The following LEMD3 variants were observed in gnomAD, a reference collection of about 807,000 sequenced individuals.
LEMD3 encodes inner nuclear membrane protein Man1.
In LEMD3, 33 loss-of-function variants were observed where a neutral mutation model predicts 95.2. The observed-to-expected ratio is 0.35, with a 90% confidence interval of 0.26 to 0.46. The LOEUF is 0.46. Among genes scored for constraint, LEMD3 ranks in the 20% least tolerant of loss-of-function variants. The probability of loss-of-function intolerance (pLI) is 1.00; values close to 1 mark genes in which losing one functional copy is unlikely to be tolerated. For missense variants in LEMD3, 1,210 were observed against 1,192.8 expected, an observed-to-expected ratio of 1.01 and a Z score of -0.21; for synonymous variants, 525 against 474.6, an observed-to-expected ratio of 1.11 and a Z score of -1.38.
intron 1 of LEMD3, among the ~76,000 whole-genome samples, chr12:65,183,815 G>A (rs1234298107): frequency 1.3e-5 from 2 of 152,236 alleles, no homozygotes; most frequent in East Asian, 3.9e-4. Flanking sequence ...GCTTAGAGTG[G>A]AAGTGGTATC....
intron 10 of LEMD3, 61 bp from the exon 11 acceptor site, chr12:65,245,608 A>G: frequency 9.3e-7 from 1 of 1,079,598 alleles, no homozygotes; most frequent in Non-Finnish European, 1.4e-6. Context: ...TGTAAGAGAC[A>G]GTGAAGAATT....
intron 1 of LEMD3, among the ~76,000 whole-genome samples, chr12:65,182,907 A>C (rs1007264802): frequency 6.6e-6 from 1 of 152,210 alleles, no homozygotes. Context: ...GTAAGATACC[A>C]TGAGTACTGT....
At chr12:65,223,266 T>C (rs1870346782) in intron 4 of LEMD3, among the ~76,000 whole-genome samples, 1 of 151,960 alleles carries the variant, frequency 6.6e-6, no homozygotes, top group African/African-American at 2.4e-5. Flanking sequence ...TTGTCATTTA[T>C]ATAATAAATA....
chr12:65,170,645 A>ACTC lies in LEMD3; in HGVS notation c.1051_1053dup (p.Ser352dup). 1 of 1,613,680 alleles carries ACTC rather than the reference A, an allele frequency of 6.2e-7. No homozygotes were observed. Among genetic ancestry groups the ACTC allele is most frequent in the Non-Finnish European group, 8.5e-7 (1 of 1,179,934 alleles). ...CAGGGAGGAGGGTGTGATCAAGTGG[A>ACTC]CTCCAGCCCCGTTCCTAGATACCGT... is the stretch of plus-strand genomic sequence containing the variant. On this transcript the variant is annotated inframe_insertion, in exon 1 of 13. Coordinates refer to ENST00000308330, the MANE Select transcript of LEMD3 (RefSeq NM_014319.5).
At chr12:65,227,100 G>A (rs1475718438) in intron 4 of LEMD3, among the ~76,000 whole-genome samples, 2 of 152,144 alleles carry the variant, frequency 1.3e-5, no homozygotes, top group African/African-American at 4.8e-5. Flanking sequence ...AGTGTTATGG[G>A]ATGGACGAAT....
At chr12:65,195,481 ATTT>A (rs1464611787) in intron 1 of LEMD3, among the ~76,000 whole-genome samples, 1 of 151,750 alleles carries the variant, frequency 6.6e-6, no homozygotes, top group Non-Finnish European at 1.5e-5. Flanking sequence ...AAGACTGAAG[ATTT>A]TTTATTTGCC....
rs755919341 is a variant in LEMD3, at chr12:65,240,052, CAACT to C, written c.2023+24_2023+27del. ...ATAGGTATGATATTTGTAAGAATCTCAACTATTTCTAGAAGAGTCATTGCATGAT... is the reference window on the plus strand; with the variant it reads ...ATAGGTATGATATTTGTAAGAATCTCATTTCTAGAAGAGTCATTGCATGAT... On this transcript the variant is annotated intron_variant, in intron 7 of 12. Coordinates refer to ENST00000308330, the MANE Select transcript of LEMD3 (RefSeq NM_014319.5). The C allele has an allele frequency of 6.4e-6, 10 of 1,563,560 alleles. No individual in the cohort carries two copies. The South Asian group carries it at 8.9e-5, about 14-fold the overall frequency.
At chr12:65,184,439 G>C (rs552087034) in intron 1 of LEMD3, among the ~76,000 whole-genome samples, 2 of 152,238 alleles carry the variant, frequency 1.3e-5, no homozygotes, top group East Asian at 1.9e-4. Flanking sequence ...TAAGTTTAGG[G>C]AATCAGAGCA....
intron 1 of LEMD3, among the ~76,000 whole-genome samples, chr12:65,177,875 G>A (rs1429989117): frequency 6.8e-6 from 1 of 146,530 alleles, no homozygotes; most frequent in African/African-American, 2.6e-5. Context: ...ACAGGGTCTT[G>A]CTGTGTCACC....
intron 1 of LEMD3, among the ~76,000 whole-genome samples, chr12:65,180,434 TAA>T (rs1286938644): frequency 1.3e-5 from 2 of 150,544 alleles, no homozygotes; most frequent in Admixed American, 6.6e-5. Context: ...AGGAAGAAAA[TAA>T]GTTAGGTTTT....
intron 2 of LEMD3, 71 bp downstream of exon 2, chr12:65,211,034 CAACTA>C: frequency 8.9e-7 from 1 of 1,124,876 alleles, no homozygotes; most frequent in Non-Finnish European, 1.3e-6. Flanking sequence ...GAATGACTAT[CAACTA>C]AAAAAAAGTA....
At chr12:65,213,054 C>T (rs1219794857) in intron 2 of LEMD3, among the ~76,000 whole-genome samples, 2 of 151,756 alleles carry the variant, frequency 1.3e-5, no homozygotes, top group Admixed American at 1.3e-4. Context: ...CCACTGCACT[C>T]TGCCACAGCC....
intron 1 of LEMD3, among the ~76,000 whole-genome samples, chr12:65,186,568 A>C (rs969697293): frequency 3.3e-5 from 5 of 151,406 alleles, no homozygotes; most frequent in African/African-American, 9.7e-5. Flanking sequence ...TTTGGGCAGA[A>C]TATCAGTCCA....
intron 6 of LEMD3, 62 bp from the exon 7 acceptor site, chr12:65,239,867 T>G: frequency 9.1e-7 from 1 of 1,103,292 alleles, no homozygotes; most frequent in Non-Finnish European, 1.4e-6. Flanking sequence ...AAATAATCAC[T>G]GAAATATTAT....
intron 1 of LEMD3, among the ~76,000 whole-genome samples, chr12:65,194,120 A>G (rs1232730412): frequency 6.6e-6 from 1 of 152,136 alleles, no homozygotes; most frequent in Non-Finnish European, 1.5e-5. Context: ...TAAGAGTTTA[A>G]GTAATACAGT....
chr12:65,243,204 G>A (rs535514756), intron 9 of LEMD3, among the ~76,000 whole-genome samples, 184 bp from the exon 10 acceptor site: 44 of 151,624 alleles, frequency 2.9e-4, no homozygotes, highest in Non-Finnish European at 5.4e-4. Context: ...TTTATCATCT[G>A]TCTCTCCCAT....
intron 1 of LEMD3, among the ~76,000 whole-genome samples, chr12:65,188,980 A>G (rs1339682333): frequency 1.3e-5 from 2 of 152,002 alleles, no homozygotes; most frequent in African/African-American, 4.8e-5. Flanking sequence ...GACTCCCATT[A>G]CTCCTGCAGT....
intron 4 of LEMD3, among the ~76,000 whole-genome samples, chr12:65,226,898 G>A (rs940368525): frequency 1.3e-5 from 2 of 152,182 alleles, no homozygotes; most frequent in South Asian, 2.1e-4. Flanking sequence ...CCACTCTAGC[G>A]AGTAATCTCT....
Position 65,244,014 on chromosome 12 carries a change from T to A in LEMD3, c.2387+545T>A, listed in dbSNP as rs1213423801. Among the ~76,000 whole-genome samples, 4 of 152,188 alleles carry A rather than the reference T, an allele frequency of 2.6e-5. No individual in the cohort carries two copies. The East Asian group carries it at 7.7e-4, about 29-fold the overall frequency. ...ATAGCACAGTCAAAAGTGACTGCCTTAGAATTCACAGTATTTCATATATAA... is the reference window on the plus strand; with the variant it reads ...ATAGCACAGTCAAAAGTGACTGCCTAAGAATTCACAGTATTTCATATATAA... On this transcript the variant is annotated intron_variant, in intron 10 of 12. Coordinates refer to ENST00000308330, the MANE Select transcript of LEMD3 (RefSeq NM_014319.5).
Sources: allele counts gnomAD v4.1 joint callset (sites outside exome capture counted in the v4.1 genomes callset), GRCh38; gene constraint gnomAD v4.1.1; transcripts MANE v1.5; gene names NCBI Gene and HGNC (gene_info 2026-07-23, HGNC 2026-07-21).